The following RANBP17 variants were observed in gnomAD, a reference collection of about 807,000 sequenced individuals.
RANBP17 encodes the protein RAN binding protein 17, also known as ran-binding protein 17.
RANBP17 carries 158 observed loss-of-function variants against 141.2 expected under a neutral mutation model. The observed-to-expected ratio is 1.12, with a 90% CI of 0.98 to 1.28. The LOEUF is 1.28. Among genes scored for constraint, RANBP17 ranks in the 50% most tolerant of loss-of-function variants. The pLI is 0.00. For synonymous variants in RANBP17, 430 were observed against 450.0 expected (o/e 0.96, Z 0.56); for missense variants, 1,438 against 1,290.7 (o/e 1.11, Z -1.75).
intron 14 of RANBP17, among the ~76,000 whole-genome samples, chr5:171,122,970 C>T (rs962866578): frequency 2.0e-5 from 3 of 152,174 alleles, no homozygotes; most frequent in East Asian, 1.9e-4. Context: ...GTTCCCAAAA[C>T]TCTAGCTAAT....
intron 14 of RANBP17, among the ~76,000 whole-genome samples, chr5:171,130,480 A>T (rs1756831437): frequency 9.1e-6 from 1 of 109,864 alleles, no homozygotes; most frequent in Non-Finnish European, 1.7e-5. Flanking sequence ...CTTCTTGCTC[A>T]GGCTGGAGTG....
intron 24 of RANBP17, among the ~76,000 whole-genome samples, chr5:171,256,894 G>A (rs1378617013): frequency 6.6e-6 from 1 of 151,834 alleles, no homozygotes; most frequent in Non-Finnish European, 1.5e-5. Context: ...ATAACAACTA[G>A]TGAGATCAAA....
At chr5:171,223,817 T>A (rs1763718344) in intron 22 of RANBP17, among the ~76,000 whole-genome samples, 1 of 152,110 alleles carries the variant, frequency 6.6e-6, no homozygotes, top group Non-Finnish European at 1.5e-5. Flanking sequence ...AACAGCATGG[T>A]ATATTAGAAA....
At chr5:171,068,878 C>T (rs745820901) in intron 14 of RANBP17, among the ~76,000 whole-genome samples, 97 of 152,202 alleles carry the variant, frequency 6.4e-4, no homozygotes, top group Admixed American at 5.9e-4. Context: ...TGAGCCACCA[C>T]ACCCAGCTGG....
chr5:171,266,907 C>T (rs1766726136), intron 25 of RANBP17, among the ~76,000 whole-genome samples: 1 of 149,522 alleles, frequency 6.7e-6, no homozygotes, highest in Admixed American at 6.7e-5. Context: ...AGCAAGACTC[C>T]ATCTCAAAAA....
chr5:171,236,784 G>A (rs979302734), intron 22 of RANBP17, among the ~76,000 whole-genome samples: 5 of 152,130 alleles, frequency 3.3e-5, no homozygotes, highest in Non-Finnish European at 7.3e-5. Context: ...TGTAGATGAG[G>A]AAACTGTGAA....
chr5:171,227,930 C>T (rs888838695), intron 22 of RANBP17, among the ~76,000 whole-genome samples: 20 of 152,182 alleles, frequency 1.3e-4, no homozygotes, highest in African/African-American at 4.8e-4. Context: ...TTGAAGCCTA[C>T]TGCTCAGAAA....
chr5:171,093,411 C>T (rs756732758), intron 14 of RANBP17, among the ~76,000 whole-genome samples: 5 of 151,886 alleles, frequency 3.3e-5, no homozygotes, highest in African/African-American at 4.8e-5. Context: ...GAATCACACA[C>T]GATATAATAG....
intron 14 of RANBP17, among the ~76,000 whole-genome samples, chr5:171,154,070 C>A (rs1581748998): frequency 6.8e-6 from 1 of 147,836 alleles, no homozygotes; most frequent in Non-Finnish European, 1.5e-5. Context: ...CAAACAAGAC[C>A]AAGAAATCTA....
At chr5:171,236,444 A>T (rs528995859) in intron 22 of RANBP17, among the ~76,000 whole-genome samples, 80 of 152,256 alleles carry the variant, frequency 5.3e-4, no homozygotes, top group African/African-American at 1.7e-3. Context: ...AAATAGCAAA[A>T]CTGTAATCCC....
intron 12 of RANBP17, among the ~76,000 whole-genome samples, chr5:170,947,106 ATATCT>A (rs2127485558): frequency 6.6e-6 from 1 of 152,326 alleles, no homozygotes; most frequent in South Asian, 2.1e-4. Context: ...CAACTATATC[ATATCT>A]TATATTGAGT....
chr5:171,223,092 T>C lies in RANBP17; in HGVS notation c.2422+1252T>C, dbSNP rs116135785. Among the ~76,000 whole-genome samples the C allele has an allele frequency of 3.8e-3, 575 of 152,266 alleles. 2 individuals are homozygous for C. Among genetic ancestry groups the C allele is most frequent in the African/African-American group, 0.013 (524 of 41,564 alleles). On this transcript the variant is annotated intron_variant, in intron 22 of 27. Coordinates refer to ENST00000523189, the MANE Select transcript of RANBP17 (RefSeq NM_022897.5). The stretch of plus-strand genomic sequence containing the variant: ...TATTTTAAAAAGAAAAAAATGGGTG[T>C]TTTAAGTTGTTTTTACCTCATTTCA...
intron 27 of RANBP17, among the ~76,000 whole-genome samples, chr5:171,297,734 C>G (rs1330351407): frequency 6.7e-6 from 1 of 150,038 alleles, no homozygotes; most frequent in Non-Finnish European, 1.5e-5. Context: ...AGGTGGCCCT[C>G]GTAGTTTAAT....
At chr5:170,949,433 C>T (rs940846951) in intron 12 of RANBP17, among the ~76,000 whole-genome samples, 1 of 152,060 alleles carries the variant, frequency 6.6e-6, no homozygotes, top group African/African-American at 2.4e-5. Context: ...ATAGACATTT[C>T]TCCAAAGAAG....
At chr5:171,031,643 A>C (rs1321557655) in intron 14 of RANBP17, among the ~76,000 whole-genome samples, 1 of 151,972 alleles carries the variant, frequency 6.6e-6, no homozygotes, top group Admixed American at 6.6e-5. Context: ...TCTGTAGGAC[A>C]CACACAGAAA....
At chr5:171,128,765 G>A (rs1287133835) in intron 14 of RANBP17, among the ~76,000 whole-genome samples, 1 of 151,598 alleles carries the variant, frequency 6.6e-6, no homozygotes, top group East Asian at 1.9e-4. Context: ...AATATCATGT[G>A]TACCTCATAA....
chr5:171,102,744 T>C (rs114058189), intron 14 of RANBP17, among the ~76,000 whole-genome samples: 3,021 of 152,262 alleles, frequency 0.02, 96 homozygotes, highest in African/African-American at 0.068. Context: ...TGTCTACCTT[T>C]GGTCTTCGAT....
At chr5:171,266,745 C>T (rs1766711116) in intron 25 of RANBP17, among the ~76,000 whole-genome samples, 2 of 152,042 alleles carry the variant, frequency 1.3e-5, no homozygotes, top group African/African-American at 2.4e-5. Flanking sequence ...AACCCCATCT[C>T]TACTAAAAAT....
At chr5:171,159,617 A>G (rs1157422117) in intron 14 of RANBP17, among the ~76,000 whole-genome samples, 1 of 152,216 alleles carries the variant, frequency 6.6e-6, no homozygotes, top group Non-Finnish European at 1.5e-5. Context: ...GTCTGTGTAC[A>G]TTAATTTAGT....
Sources: gnomAD v4.1 joint callset for allele counts (sites outside exome capture counted in the v4.1 genomes callset) on GRCh38, gnomAD v4.1.1 for gene constraint, MANE v1.5 for transcripts, NCBI Gene and HGNC (gene_info 2026-07-23, HGNC 2026-07-21) for gene names.